The following BCAS3 variants were observed in gnomAD, a reference collection of about 807,000 sequenced individuals.
BCAS3 encodes BCAS4/BCAS3 fusion.
BCAS3 carries 53 observed loss-of-function variants against 116.1 expected under a neutral mutation model. The observed-to-expected ratio is 0.46, with a 90% CI of 0.37 to 0.57. The LOEUF is 0.57. BCAS3 is among the 20% of genes least tolerant of loss of function. The probability of loss-of-function intolerance (pLI) is 0.00; values close to 1 mark genes in which losing one functional copy is unlikely to be tolerated. For synonymous variants in BCAS3, 391 were observed against 408.2 expected (o/e 0.96, Z 0.51); for missense variants, 917 against 1,165.4 (o/e 0.79, Z 3.10).
chr17:60,883,295 AT>A (rs1473398294), intron 9 of BCAS3, among the ~76,000 whole-genome samples: 1 of 144,408 alleles, frequency 6.9e-6, no homozygotes, highest in Non-Finnish European at 1.5e-5. Flanking sequence ...TTGATTTTGT[AT>A]CCTGAGACTT....
chr17:61,178,379 G>A (rs1026699770), intron 22 of BCAS3, among the ~76,000 whole-genome samples: 1 of 152,110 alleles, frequency 6.6e-6, no homozygotes, highest in Admixed American at 6.6e-5. Context: ...TGCATACAGA[G>A]TTTTACCCAT....
In BCAS3 at chr17:61,332,520, C is replaced by T. The variant is rs990385153; in HGVS notation, c.2426-35807C>T. ...GCAAGAAAAGAATCTCCTAAAGAGA[C>T]TGTTGCAGTTTTACAGAGTTCTTTC... On this transcript the variant is annotated intron_variant, in intron 22 of 23. Transcript: ENST00000407086. The surrounding 1 kb of genome is among the most constrained non-coding windows in gnomAD (Gnocchi z 5.4). 6.6e-6 allele frequency among the ~76,000 whole-genome samples: 1 copy of T among 152,200 alleles called. No homozygotes were observed. The highest frequency in any genetic ancestry group is 2.4e-5 in the African/African-American group (1 of 41,452).
chr17:61,195,007 C>T (rs2080390369), intron 22 of BCAS3, among the ~76,000 whole-genome samples: 1 of 152,292 alleles, frequency 6.6e-6, no homozygotes, highest in East Asian at 1.9e-4. Context: ...CCTAATACTG[C>T]CTTCTTTCTG....
rs2079886478 is a variant in BCAS3 at position 61,188,127 on chromosome 17, C to A, written c.2425+103563C>A. Among the ~76,000 whole-genome samples the A allele has an allele frequency of 6.6e-6, 1 of 152,164 alleles. No homozygotes were observed. ...TTTTGAGGGAAAAACAAATACATGG[C>A]AGAATTGTAGGATTTCAGGGATGTC... On this transcript the variant is annotated intron_variant, in intron 22 of 23. Transcript: ENST00000407086. This position sits in a 1 kb window ranked among gnomAD's most constrained non-coding sequence, Gnocchi z 4.0.
chr17:61,287,843 A>G (rs982381019), intron 22 of BCAS3, among the ~76,000 whole-genome samples: 1 of 152,272 alleles, frequency 6.6e-6, no homozygotes, highest in East Asian at 1.9e-4. Context: ...TGTTCAGTAC[A>G]TACTATGTGC....
At chr17:60,814,305 G>GCGCA in intron 7 of BCAS3, among the ~76,000 whole-genome samples, 1 of 133,222 alleles carries the variant, frequency 7.5e-6, no homozygotes, top group East Asian at 2.0e-4. Context: ...GTGTGTGTGT[G>GCGCA]TGCGCGCGTG....
intron 13 of BCAS3, among the ~76,000 whole-genome samples, chr17:60,941,827 G>A (rs1044386593): frequency 9.2e-5 from 14 of 152,114 alleles, no homozygotes; most frequent in Non-Finnish European, 5.9e-5. Context: ...TCTTGATTTG[G>A]CAAATGAGGA....
intron 22 of BCAS3, among the ~76,000 whole-genome samples, chr17:61,335,028 G>T (rs2056611948): frequency 6.6e-6 from 1 of 152,224 alleles, no homozygotes; most frequent in African/African-American, 2.4e-5. Context: ...GGCCACTGTG[G>T]TCATCCCAGG....
intron 22 of BCAS3, among the ~76,000 whole-genome samples, chr17:61,085,006 A>G (rs2072963653): frequency 1.3e-5 from 2 of 152,234 alleles, no homozygotes; most frequent in African/African-American, 4.8e-5. Flanking sequence ...AAAAGCATCA[A>G]GTTTAAAAAT....
chr17:61,353,827 G>C (rs1196514007), intron 22 of BCAS3: 3 of 152,228 alleles, frequency 2.0e-5, no homozygotes, highest in African/African-American at 7.2e-5. Flanking sequence ...GACATGTCAA[G>C]GCAGGAAATG....
chr17:60,903,986 A>G (rs1033175760), intron 11 of BCAS3, among the ~76,000 whole-genome samples: 2 of 152,280 alleles, frequency 1.3e-5, no homozygotes. Context: ...TATGGAATGG[A>G]GGATAACTTT....
rs1228751236 is a variant in BCAS3, at chr17:61,226,593, A to C, written c.2426-141734A>C. Among the ~76,000 whole-genome samples the C allele has an allele frequency of 6.6e-6, 1 of 152,184 alleles. No homozygotes were observed. Among genetic ancestry groups the C allele is most frequent in the Non-Finnish European group, 1.5e-5 (1 of 68,034 alleles). On this transcript the variant is annotated intron_variant, in intron 22 of 23. Transcript: ENST00000407086. The surrounding 1 kb of genome is among the most constrained non-coding windows in gnomAD (Gnocchi z 6.0). ...AGTATTTACTAGATCTTAGATTTTA[A>C]GGGTTAGAATTTTTTCAGGGTGATC... is the stretch of plus-strand genomic sequence containing the variant.
intron 23 of BCAS3, among the ~76,000 whole-genome samples, chr17:61,375,143 G>A (rs1192858552): frequency 1.3e-5 from 2 of 151,902 alleles, no homozygotes; most frequent in East Asian, 3.9e-4. Context: ...AAGTGATCAC[G>A]GGATGGTTTC....
At chr17:60,908,039 A>G (rs1269695909) in intron 11 of BCAS3, among the ~76,000 whole-genome samples, 1 of 152,174 alleles carries the variant, frequency 6.6e-6, no homozygotes, top group African/African-American at 2.4e-5. Flanking sequence ...TGCATAGTTA[A>G]TGGGTTATGA....
chr17:61,291,324 A>C (rs951603028), intron 22 of BCAS3, among the ~76,000 whole-genome samples: 2 of 152,216 alleles, frequency 1.3e-5, no homozygotes, highest in African/African-American at 2.4e-5. Flanking sequence ...ATGAAACCTT[A>C]AAAATAAAGG....
intron 5 of BCAS3, among the ~76,000 whole-genome samples, chr17:60,716,289 A>G (rs2144057645): frequency 6.6e-6 from 1 of 152,330 alleles, no homozygotes; most frequent in East Asian, 1.9e-4. Context: ...ATAAAAATAA[A>G]TGGATATACA....
intron 14 of BCAS3, among the ~76,000 whole-genome samples, chr17:60,957,459 A>G (rs957469173): frequency 2.0e-5 from 3 of 152,048 alleles, no homozygotes; most frequent in Non-Finnish European, 2.9e-5. Flanking sequence ...GAATCTAGCA[A>G]CCCTGTGCAT....
rs572236433 is a variant in BCAS3 at position 61,330,732 on chromosome 17, C to T, written c.2426-37595C>T. Among the ~76,000 whole-genome samples, 4 of 152,304 alleles carry T rather than the reference C, an allele frequency of 2.6e-5. No individual in the cohort carries two copies. In the East Asian group the frequency reaches 5.8e-4, roughly 22 times the overall value. ...GACACCTGAAGTGCACAGAGGACTC[C>T]GGCAGCAATGGCCAGGGAATGAGGA... On this transcript the variant is annotated intron_variant, in intron 22 of 23. Transcript: ENST00000407086.
chr17:60,714,024 A>G (rs2038251663), intron 5 of BCAS3, among the ~76,000 whole-genome samples: 1 of 152,078 alleles, frequency 6.6e-6, no homozygotes, highest in East Asian at 1.9e-4. Flanking sequence ...TTTAGTAGAG[A>G]TGGGGTTTCA....
Sources: allele counts gnomAD v4.1 joint callset (sites outside exome capture counted in the v4.1 genomes callset), GRCh38; gene constraint gnomAD v4.1.1; non-coding constraint Gnocchi (gnomAD v3.1); transcripts MANE v1.5; gene names NCBI Gene and HGNC (gene_info 2026-07-23, HGNC 2026-07-21).